The following LINGO2 variants were observed in gnomAD, a reference collection of about 807,000 sequenced individuals.
LINGO2 encodes the protein leucine-rich repeat and immunoglobulin-like domain-containing nogo receptor-interacting protein 2.
In LINGO2, 14 loss-of-function variants were observed where a neutral mutation model predicts 30.6. That is an observed-to-expected ratio of 0.46 (90% CI 0.30 to 0.72). The LOEUF (loss-of-function observed/expected upper bound fraction) is 0.72, where lower values mean the gene tolerates loss of function less well. Among genes scored for constraint, LINGO2 ranks in the 30% least tolerant of loss-of-function variants. The probability of loss-of-function intolerance (pLI) is 0.07; values close to 1 mark genes in which losing one functional copy is unlikely to be tolerated. For synonymous variants in LINGO2, 317 were observed against 288.5 expected, an observed-to-expected ratio of 1.10 and a Z score of -1.00; for missense variants, 729 against 751.7, an observed-to-expected ratio of 0.97 and a Z score of 0.35.
chr9:28,337,564 A>G (rs1273771190), intron 3 of LINGO2, among the ~76,000 whole-genome samples: 1 of 152,184 alleles, frequency 6.6e-6, no homozygotes, highest in Non-Finnish European at 1.5e-5. Flanking sequence ...CTCCCATAAC[A>G]GGCCTGAAGG....
chr9:28,701,898 T>C, the LINGO2 span, among the ~76,000 whole-genome samples: 1 of 151,948 alleles, frequency 6.6e-6, no homozygotes, highest in African/African-American at 2.4e-5. Flanking sequence ...GGTGCTAGTG[T>C]AAACAGTACT....
At chr9:28,900,605 C>G in the LINGO2 span, among the ~76,000 whole-genome samples, 1 of 152,234 alleles carries the variant, frequency 6.6e-6, no homozygotes, top group African/African-American at 2.4e-5. Flanking sequence ...TGCCTGATGA[C>G]TCCAGCAGCA....
chr9:29,128,778 T>C, the LINGO2 span, among the ~76,000 whole-genome samples: 1 of 152,080 alleles, frequency 6.6e-6, no homozygotes, highest in African/African-American at 2.4e-5. Flanking sequence ...CTATTGGATC[T>C]TTGTTTGTGT....
the LINGO2 span, among the ~76,000 whole-genome samples, chr9:28,873,888 T>G: frequency 6.6e-6 from 1 of 151,844 alleles, no homozygotes; most frequent in African/African-American, 2.4e-5. Flanking sequence ...AAAAAATATA[T>G]ATATATAGCT....
intron 3 of LINGO2, among the ~76,000 whole-genome samples, chr9:28,350,431 A>G (rs1819815664): frequency 6.7e-6 from 1 of 149,818 alleles, no homozygotes; most frequent in Non-Finnish European, 1.5e-5. Context: ...AAAGGGATCA[A>G]TTCAACAAGA....
chr9:28,618,211 C>T (rs577059994), intron 1 of LINGO2, among the ~76,000 whole-genome samples: 17 of 152,228 alleles, frequency 1.1e-4, no homozygotes, highest in African/African-American at 3.9e-4. Flanking sequence ...CCCCCAACCC[C>T]AACCTGGTCT....
At chr9:27,949,473 G>T (rs1563845139) in exon 6 of LINGO2, 2 of 1,614,098 alleles carry the variant, frequency 1.2e-6, no homozygotes, top group Non-Finnish European at 1.7e-6. Context: ...AAAAGAAAGG[G>T]CAGTGCTATG....
intron 4 of LINGO2, among the ~76,000 whole-genome samples, chr9:28,051,254 AAG>A (rs1824658476): frequency 7.1e-6 from 1 of 140,806 alleles, no homozygotes; most frequent in Non-Finnish European, 1.5e-5. Flanking sequence ...AACTATCAGA[AAG>A]AATATAGCTA....
At chr9:29,072,147 T>C in the LINGO2 span, among the ~76,000 whole-genome samples, 1 of 149,450 alleles carries the variant, frequency 6.7e-6, no homozygotes, top group Admixed American at 6.7e-5. Flanking sequence ...ATGTAGATAA[T>C]AATGAAAACA....
At chr9:28,920,293 GTATAA>G in the LINGO2 span, among the ~76,000 whole-genome samples, 1 of 151,508 alleles carries the variant, frequency 6.6e-6, no homozygotes, top group Non-Finnish European at 1.5e-5. Context: ...TAGAGGACTA[GTATAA>G]TATATATATA....
intron 3 of LINGO2, among the ~76,000 whole-genome samples, chr9:28,369,847 A>C (rs555988459): frequency 6.6e-6 from 1 of 152,324 alleles, no homozygotes; most frequent in East Asian, 1.9e-4. Context: ...TGATCTTTGA[A>C]AGAGTAAAGT....
chr9:28,003,386 T>TAGAG (rs71304830), intron 5 of LINGO2, among the ~76,000 whole-genome samples: 8,645 of 134,796 alleles, frequency 0.064, 308 homozygotes, highest in East Asian at 0.12. Flanking sequence ...TAGATAGATA[T>TAGAG]AGAGAGAGAG....
chr9:28,428,578 A>G (rs1414033689), intron 2 of LINGO2, among the ~76,000 whole-genome samples: 1 of 152,086 alleles, frequency 6.6e-6, no homozygotes, highest in Non-Finnish European at 1.5e-5. Flanking sequence ...CGGGGTTTTC[A>G]GTCATTGACC....
chr9:28,535,017 C>CT (rs1382756925), intron 1 of LINGO2, among the ~76,000 whole-genome samples: 1 of 152,006 alleles, frequency 6.6e-6, no homozygotes, highest in African/African-American at 2.4e-5. Flanking sequence ...GTATTTAAAG[C>CT]TTTAACAATG....
In LINGO2 at chr9:28,535,967, G is replaced by C. The variant is rs1255388564; in HGVS notation, c.-364-59942C>G. On this transcript the variant is annotated intron_variant, in intron 1 of 5. Transcript: ENST00000379992. The stretch of plus-strand genomic sequence containing the variant: ...CAAGAGAGCTGGACCTGAGATTCCA[G>C]CACAAAGGAGATCATCATTGGATAG... Among the ~76,000 whole-genome samples, 4 of 152,294 alleles carry C rather than the reference G, an allele frequency of 2.6e-5. No individual in the cohort carries two copies. The South Asian group carries it at 6.2e-4, about 24-fold the overall frequency.
chr9:28,704,550 C>G, the LINGO2 span, among the ~76,000 whole-genome samples: 21,802 of 151,902 alleles, frequency 0.14, 2,110 homozygotes, highest in African/African-American at 0.27. Context: ...GAAGTTATAC[C>G]ATTTGTAATT....
chr9:27,988,865 T>A (rs957940967), intron 5 of LINGO2, among the ~76,000 whole-genome samples: 1 of 151,698 alleles, frequency 6.6e-6, no homozygotes, highest in Non-Finnish European at 1.5e-5. Flanking sequence ...ACCACCCTCA[T>A]CCAATTAATC....
intron 2 of LINGO2, among the ~76,000 whole-genome samples, chr9:28,449,032 CGTGTGTGT>C (rs140779747): frequency 8.0e-4 from 111 of 137,992 alleles, no homozygotes; most frequent in African/African-American, 2.2e-3. Context: ...TATTCACATT[CGTGTGTGT>C]GTGTGTGTGT....
intron 1 of LINGO2, among the ~76,000 whole-genome samples, chr9:28,565,034 A>G (rs1823294333): frequency 6.6e-6 from 1 of 151,996 alleles, no homozygotes; most frequent in Non-Finnish European, 1.5e-5. Context: ...ACAAACTGAA[A>G]TTCCATCACC....
Sources: gnomAD v4.1 joint callset for allele counts (sites outside exome capture counted in the v4.1 genomes callset) on GRCh38, gnomAD v4.1.1 for gene constraint, MANE v1.5 for transcripts, NCBI Gene and HGNC (gene_info 2026-07-23, HGNC 2026-07-21) for gene names.